OPCML: variants seen among roughly 807,000 people sequenced by gnomAD.
OPCML encodes the protein opioid binding protein/cell adhesion molecule like, also known as opioid-binding protein/cell adhesion molecule.
Under a neutral mutation model 37.8 loss-of-function variants are expected in OPCML, and 13 were observed. The ratio of observed to expected loss-of-function variants is 0.34; its 90% CI spans 0.22 to 0.55. The LOEUF (loss-of-function observed/expected upper bound fraction) is 0.55, where lower values mean the gene tolerates loss of function less well. Among genes scored for constraint, OPCML ranks in the 20% least tolerant of loss-of-function variants. OPCML has a pLI of 0.91. For synonymous variants in OPCML, 176 were observed against 168.8 expected, an observed-to-expected ratio of 1.04 and a Z score of -0.33; for missense variants, 341 against 435.6, an observed-to-expected ratio of 0.78 and a Z score of 1.93.
intron 1 of OPCML, chr11:133,066,398 G>A: frequency 6.6e-6 from 1 of 152,208 alleles, no homozygotes; most frequent in East Asian, 1.9e-4. Flanking sequence ...CATAGAAGAG[G>A]TTGCCAAAGT....
chr11:132,545,078 G>T (rs1325950170), intron 3 of OPCML, among the ~76,000 whole-genome samples: 2 of 151,944 alleles, frequency 1.3e-5, no homozygotes, highest in Non-Finnish European at 2.9e-5. Flanking sequence ...ACCTCTCTTT[G>T]CAGGTAATTG....
chr11:132,662,968 A>C (rs907815428), intron 2 of OPCML, among the ~76,000 whole-genome samples: 2 of 152,340 alleles, frequency 1.3e-5, no homozygotes, highest in East Asian at 3.9e-4. Flanking sequence ...TAACTAGAAA[A>C]TGCCTTTATG....
intron 1 of OPCML, among the ~76,000 whole-genome samples, chr11:133,060,493 C>A (rs1318907009): frequency 1.3e-5 from 2 of 152,228 alleles, no homozygotes; most frequent in Non-Finnish European, 2.9e-5. Flanking sequence ...AGGCTCAGAC[C>A]TGTCTGTCCC....
chr11:132,432,781 CA>C (rs1453981921), intron 7 of OPCML, among the ~76,000 whole-genome samples: 1 of 152,164 alleles, frequency 6.6e-6, no homozygotes, highest in East Asian at 1.9e-4. Flanking sequence ...TTTAAACAAA[CA>C]ACTTTTGAAA....
chr11:132,844,548 G>A (rs1941439103), intron 2 of OPCML, among the ~76,000 whole-genome samples: 1 of 152,052 alleles, frequency 6.6e-6, no homozygotes, highest in African/African-American at 2.4e-5. Flanking sequence ...AAAGACAAAG[G>A]GCAAGAACAG....
chr11:132,812,021 C>T (rs181917504), intron 2 of OPCML, among the ~76,000 whole-genome samples: 51 of 152,284 alleles, frequency 3.3e-4, no homozygotes, highest in African/African-American at 1.2e-3. Context: ...TGGCTTGCAG[C>T]ATAAAATACC....
chr11:132,661,240 G>C (rs1195553799), intron 2 of OPCML, among the ~76,000 whole-genome samples: 1 of 152,116 alleles, frequency 6.6e-6, no homozygotes, highest in East Asian at 1.9e-4. Context: ...AAACAGAAAA[G>C]AGTAACTGAG....
At chr11:133,450,781 A>G (rs1289758365) in intron 1 of OPCML, among the ~76,000 whole-genome samples, 1 of 151,562 alleles carries the variant, frequency 6.6e-6, no homozygotes, top group Non-Finnish European at 1.5e-5. Flanking sequence ...AGTGACAGTT[A>G]TTGTCCTGGA....
intron 1 of OPCML, among the ~76,000 whole-genome samples, chr11:133,187,601 A>G (rs1938141093): frequency 6.6e-6 from 1 of 152,140 alleles, no homozygotes; most frequent in Non-Finnish European, 1.5e-5. Flanking sequence ...TATAAGGCAT[A>G]TGCCAAAAGC....
chr11:133,308,362 T>C (rs1207898389), intron 1 of OPCML, among the ~76,000 whole-genome samples: 1 of 152,128 alleles, frequency 6.6e-6, no homozygotes, highest in Middle Eastern at 3.2e-3. Context: ...CAACCTAACT[T>C]AATATTAGGG....
intron 2 of OPCML, among the ~76,000 whole-genome samples, chr11:132,706,206 T>C (rs899663657): frequency 6.6e-6 from 1 of 152,202 alleles, no homozygotes; most frequent in African/African-American, 2.4e-5. Context: ...CTACGATGCC[T>C]ATCCAGACTC....
chr11:132,624,589 C>T (rs1446949004), intron 3 of OPCML, among the ~76,000 whole-genome samples: 2 of 152,018 alleles, frequency 1.3e-5, no homozygotes, highest in Admixed American at 6.6e-5. Flanking sequence ...CTTGCTCTAC[C>T]CACTACACCA....
intron 1 of OPCML, among the ~76,000 whole-genome samples, chr11:132,992,234 T>C (rs1434692124): frequency 6.6e-6 from 1 of 152,150 alleles, no homozygotes; most frequent in Non-Finnish European, 1.5e-5. Flanking sequence ...TTTAGGCAAC[T>C]GCTTCTGTAC....
chr11:132,519,040 C>A (rs769174529), intron 4 of OPCML, among the ~76,000 whole-genome samples: 60 of 152,168 alleles, frequency 3.9e-4, no homozygotes, highest in Non-Finnish European at 7.9e-4. Context: ...AGCATCATTT[C>A]TGTGCAAGCC....
intron 1 of OPCML, among the ~76,000 whole-genome samples, chr11:133,387,493 A>G (rs1945079886): frequency 6.6e-6 from 1 of 152,212 alleles, no homozygotes; most frequent in Non-Finnish European, 1.5e-5. Context: ...CCAACAGGCA[A>G]AGCTGCATCC....
intron 1 of OPCML, among the ~76,000 whole-genome samples, chr11:133,100,632 A>G (rs562935571): frequency 6.6e-6 from 1 of 152,326 alleles, no homozygotes; most frequent in Admixed American, 6.5e-5. Flanking sequence ...GATCAATAGA[A>G]CAGAATAGAG....
chr11:132,549,156 C>T (rs561183603), intron 3 of OPCML, among the ~76,000 whole-genome samples: 58 of 152,294 alleles, frequency 3.8e-4, no homozygotes, highest in African/African-American at 1.3e-3. Context: ...CCGGCCAAAA[C>T]TCACCAAAAC....
rs533023633 is a variant in OPCML at position 133,511,632 on chromosome 11, C to A, written c.61+20632G>T. 3.9e-5 allele frequency among the ~76,000 whole-genome samples: 6 copies of A among 152,254 alleles called. No individual in the cohort carries two copies. The East Asian group carries it at 1.2e-3, about 29-fold the overall frequency. ...CAAGTGTGGCCTCCTTCAGTGAGGTCTGGCCAGACTGGCCTGTTTGTAATT... is the reference window on the plus strand; with the variant it reads ...CAAGTGTGGCCTCCTTCAGTGAGGTATGGCCAGACTGGCCTGTTTGTAATT... On this transcript the variant is annotated intron_variant, in intron 1 of 7. Transcript: ENST00000524381.
At chr11:132,561,826 A>T (rs2096411354) in intron 3 of OPCML, among the ~76,000 whole-genome samples, 1 of 152,248 alleles carries the variant, frequency 6.6e-6, no homozygotes, top group Admixed American at 6.5e-5. Context: ...ACATGTGTTG[A>T]CATTAATGTT....
Sources: gnomAD v4.1 joint callset for allele counts (sites outside exome capture counted in the v4.1 genomes callset) on GRCh38, gnomAD v4.1.1 for gene constraint, MANE v1.5 for transcripts, NCBI Gene and HGNC (gene_info 2026-07-23, HGNC 2026-07-21) for gene names.